Variants in GALNTL6 observed in about 807,000 individuals in gnomAD.
GALNTL6 encodes the protein polypeptide N-acetylgalactosaminyltransferase like 6, also known as polypeptide N-acetylgalactosaminyltransferase-like 6.
A neutral mutation model predicts 73.7 loss-of-function variants in GALNTL6; 46 were observed. The observed-to-expected ratio is 0.62, with a 90% confidence interval of 0.49 to 0.80. The LOEUF (loss-of-function observed/expected upper bound fraction) is 0.80. GALNTL6 is among the 30% of genes least tolerant of loss of function. The pLI, the probability that GALNTL6 is intolerant of heterozygous loss-of-function variation, is 0.00. For missense variants in GALNTL6, 604 were observed against 755.0 expected (o/e 0.80, Z 2.34); for synonymous variants, 259 against 263.7 (o/e 0.98, Z 0.17).
At chr4:172,675,995 G>A (rs1378896550) in intron 5 of GALNTL6, among the ~76,000 whole-genome samples, 1 of 152,138 alleles carries the variant, frequency 6.6e-6, no homozygotes, top group Non-Finnish European at 1.5e-5. Context: ...GAGAAAAAAT[G>A]TGGAAGAATT....
At chr4:172,556,380 G>T (rs1736141722) in intron 5 of GALNTL6, among the ~76,000 whole-genome samples, 1 of 151,920 alleles carries the variant, frequency 6.6e-6, no homozygotes, top group South Asian at 2.1e-4. Context: ...ACAAGAGAAG[G>T]GTCTCTCCCC....
At chr4:172,128,480 A>G (rs908345560) in intron 2 of GALNTL6, among the ~76,000 whole-genome samples, 4 of 152,218 alleles carry the variant, frequency 2.6e-5, no homozygotes, top group African/African-American at 9.6e-5. Flanking sequence ...AGTTTATAAC[A>G]GACAATTAGA....
intron 7 of GALNTL6, among the ~76,000 whole-genome samples, chr4:172,831,150 T>G (rs1318704368): frequency 1.6e-5 from 1 of 64,306 alleles, no homozygotes; most frequent in Non-Finnish European, 2.8e-5. Flanking sequence ...AGAATGAGAC[T>G]CCCTCTCAAA....
intron 5 of GALNTL6, among the ~76,000 whole-genome samples, chr4:172,690,135 G>GA (rs1442969293): frequency 1.3e-5 from 2 of 151,998 alleles, no homozygotes; most frequent in Non-Finnish European, 2.9e-5. Flanking sequence ...ACTTAGCCAG[G>GA]AAAAAATAAC....
At position 172,887,853 on chromosome 4, in the gene GALNTL6, T is replaced by G. The variant is rs115395768; in HGVS notation, c.1041+4946T>G. On this transcript the variant is annotated intron_variant, in intron 8 of 12. Transcript: ENST00000506823. ...TGCTAGGATTGTAGGCATGAGCCAC[T>G]GCACCCGGCCTCTATTTTTACTTTT... 5.8e-3 allele frequency among the ~76,000 whole-genome samples: 878 copies of G among 152,268 alleles called. 7 individuals carry two copies. Among genetic ancestry groups the G allele is most frequent in the African/African-American group, 0.02 (823 of 41,542 alleles).
At chr4:171,901,361 A>G (rs1737089886) in intron 2 of GALNTL6, among the ~76,000 whole-genome samples, 1 of 152,236 alleles carries the variant, frequency 6.6e-6, no homozygotes, top group African/African-American at 2.4e-5. Flanking sequence ...TCTGAAGAAC[A>G]TACATGAACC....
At chr4:172,521,622 T>G (rs140606923) in intron 5 of GALNTL6, among the ~76,000 whole-genome samples, 3 of 152,310 alleles carry the variant, frequency 2.0e-5, no homozygotes, top group Admixed American at 6.5e-5. Context: ...TTCATGTCAC[T>G]TCAGGATAAT....
chr4:171,986,822 TG>T (rs1460237698), intron 2 of GALNTL6, among the ~76,000 whole-genome samples: 1 of 152,028 alleles, frequency 6.6e-6, no homozygotes, highest in Non-Finnish European at 1.5e-5. Flanking sequence ...GATTAGAGAG[TG>T]CCTAAGGAGA....
intron 2 of GALNTL6, among the ~76,000 whole-genome samples, chr4:172,193,064 G>A (rs1735633870): frequency 6.6e-6 from 1 of 152,246 alleles, no homozygotes; most frequent in Admixed American, 6.5e-5. Flanking sequence ...AGTCTCTGCA[G>A]TTCAGCCAAA....
intron 2 of GALNTL6, among the ~76,000 whole-genome samples, chr4:172,195,391 A>G (rs1735726771): frequency 6.6e-6 from 1 of 152,206 alleles, no homozygotes; most frequent in African/African-American, 2.4e-5. Context: ...CAGAATATCA[A>G]CAAATATATT....
chr4:172,827,467 C>T (rs1742328178), intron 7 of GALNTL6, among the ~76,000 whole-genome samples: 1 of 152,180 alleles, frequency 6.6e-6, no homozygotes, highest in African/African-American at 2.4e-5. Flanking sequence ...GAGGTATCTG[C>T]AAACCATGAA....
intron 5 of GALNTL6, among the ~76,000 whole-genome samples, chr4:172,642,609 T>C (rs1198022595): frequency 2.0e-5 from 3 of 151,804 alleles, no homozygotes; most frequent in Non-Finnish European, 1.5e-5. Flanking sequence ...ATACAAAATT[T>C]CAGTTAGGAG....
At chr4:172,004,479 C>T (rs928755587) in intron 2 of GALNTL6, among the ~76,000 whole-genome samples, 2 of 151,918 alleles carry the variant, frequency 1.3e-5, no homozygotes, top group African/African-American at 4.8e-5. Flanking sequence ...CAAATTCTAT[C>T]ACCATCTACT....
At chr4:172,358,134 A>AGTGAGTG (rs1320646798) in intron 5 of GALNTL6, among the ~76,000 whole-genome samples, 3 of 152,218 alleles carry the variant, frequency 2.0e-5, no homozygotes, top group Non-Finnish European at 4.4e-5. Context: ...GTAGAAATAT[A>AGTGAGTG]GTGAGTGGTT....
chr4:172,064,225 T>A (rs1409902185), intron 2 of GALNTL6, among the ~76,000 whole-genome samples: 1 of 152,186 alleles, frequency 6.6e-6, no homozygotes, highest in Non-Finnish European at 1.5e-5. Context: ...TTGCCCTCAA[T>A]TGATTTTATT....
chr4:173,039,709 C>G (rs1471305461), intron 12 of GALNTL6, among the ~76,000 whole-genome samples: 1 of 152,184 alleles, frequency 6.6e-6, no homozygotes, highest in East Asian at 1.9e-4. Flanking sequence ...TTTATTGTCT[C>G]TAATTGAACC....
At chr4:172,738,317 C>T (rs55812412) in intron 5 of GALNTL6, among the ~76,000 whole-genome samples, 52 of 152,216 alleles carry the variant, frequency 3.4e-4, no homozygotes, top group Non-Finnish European at 6.5e-4. Flanking sequence ...TCCACTTCTC[C>T]GCATCCCCAG....
chr4:172,683,805 A>G (rs1057113677), intron 5 of GALNTL6, among the ~76,000 whole-genome samples: 1 of 152,250 alleles, frequency 6.6e-6, no homozygotes, highest in Non-Finnish European at 1.5e-5. Flanking sequence ...TCCCAAAATA[A>G]TATCAATTAA....
rs1282753484 is a variant in GALNTL6 at position 172,045,087 on chromosome 4, G to T, written c.139-184569G>T. Among the ~76,000 whole-genome samples the T allele has an allele frequency of 2.0e-5, 3 of 151,830 alleles. 1 individual carries two copies. Among genetic ancestry groups the T allele is most frequent in the Non-Finnish European group, 4.4e-5 (3 of 67,910 alleles). ...CATTGTTCATGATATATACTAATTA[G>T]CTGACATTTTACCTTCATTTAATAT... is the stretch of plus-strand genomic sequence containing the variant. On this transcript the variant is annotated intron_variant, in intron 2 of 12. Transcript: ENST00000506823.
Sources: gnomAD v4.1 joint callset for allele counts (sites outside exome capture counted in the v4.1 genomes callset) on GRCh38, gnomAD v4.1.1 for gene constraint, MANE v1.5 for transcripts, NCBI Gene and HGNC (gene_info 2026-07-23, HGNC 2026-07-21) for gene names.